Variants in DAB1 observed in about 807,000 individuals in gnomAD.
DAB1 encodes the protein disabled homolog 1.
A neutral mutation model predicts 64.6 loss-of-function variants in DAB1; 15 were observed. That is an observed-to-expected ratio of 0.23 (90% CI 0.16 to 0.36). DAB1 has a LOEUF of 0.36. Among genes scored for constraint, DAB1 ranks in the 10% least tolerant of loss-of-function variants. DAB1 has a pLI of 1.00. For missense variants in DAB1, 596 were observed against 706.7 expected (o/e 0.84, Z 1.78); for synonymous variants, 235 against 251.9 (o/e 0.93, Z 0.64).
At chr1:57,739,686 CAAA>C (rs1467471043) in intron 6 of DAB1, among the ~76,000 whole-genome samples, 8 of 151,040 alleles carry the variant, frequency 5.3e-5, no homozygotes, top group African/African-American at 1.9e-4. Flanking sequence ...CTCCTGATCT[CAAA>C]CAATCTGCCT....
At chr1:57,061,240 G>T (rs1041807299) in intron 9 of DAB1, among the ~76,000 whole-genome samples, 4 of 121,908 alleles carry the variant, frequency 3.3e-5, no homozygotes, top group Non-Finnish European at 5.3e-5. Flanking sequence ...GGGGGGGGGG[G>T]TGGTTTCAAG....
intron 5 of DAB1, among the ~76,000 whole-genome samples, chr1:57,963,075 C>T (rs542817964): frequency 1.3e-5 from 2 of 152,124 alleles, no homozygotes; most frequent in East Asian, 3.8e-4. Flanking sequence ...ATTAAGCTCA[C>T]ATATGACAGT....
intron 9 of DAB1, among the ~76,000 whole-genome samples, chr1:57,048,197 TAGTC>T (rs1255229163): frequency 2.0e-5 from 3 of 152,158 alleles, no homozygotes; most frequent in Admixed American, 6.5e-5. Flanking sequence ...CAAGCCCAAA[TAGTC>T]AGGCTGCAAA....
chr1:57,280,027 G>A (rs573669551), intron 2 of DAB1, among the ~76,000 whole-genome samples: 76 of 152,278 alleles, frequency 5.0e-4, no homozygotes, highest in African/African-American at 1.8e-3. Flanking sequence ...TCATTCAGTG[G>A]AGAGAAGTTT....
At chr1:58,514,231 T>C (rs1002562224) in intron 2 of DAB1, among the ~76,000 whole-genome samples, 2 of 152,156 alleles carry the variant, frequency 1.3e-5, no homozygotes, top group Non-Finnish European at 2.9e-5. Flanking sequence ...TTAAGGAACA[T>C]ATTGAGAAAG....
intron 8 of DAB1, among the ~76,000 whole-genome samples, chr1:57,068,406 T>C (rs1264187378): frequency 6.6e-6 from 1 of 152,092 alleles, no homozygotes; most frequent in Non-Finnish European, 1.5e-5. Flanking sequence ...ACAAAGTTGT[T>C]GGTAGAACTA....
At chr1:57,042,914 GA>G (rs1647978793) in intron 9 of DAB1, among the ~76,000 whole-genome samples, 1 of 151,804 alleles carries the variant, frequency 6.6e-6, no homozygotes, top group Non-Finnish European at 1.5e-5. Flanking sequence ...AGGAACTCCA[GA>G]AAAAAGCTGT....
intron 5 of DAB1, among the ~76,000 whole-genome samples, chr1:57,992,807 A>G (rs998572330): frequency 6.6e-6 from 1 of 151,762 alleles, no homozygotes; most frequent in African/African-American, 2.4e-5. Flanking sequence ...TACTATTATT[A>G]TCTACAGCTG....
chr1:57,061,232 G>T (rs866906511), intron 9 of DAB1, among the ~76,000 whole-genome samples: 4 of 149,088 alleles, frequency 2.7e-5, no homozygotes, highest in Admixed American at 6.7e-5. Flanking sequence ...TTTAGATGGG[G>T]GGGGGGGGTG....
At chr1:57,847,386 A>G (rs776799131) in intron 1 of DAB1, among the ~76,000 whole-genome samples, 6 of 152,212 alleles carry the variant, frequency 3.9e-5, no homozygotes, top group Non-Finnish European at 8.8e-5. Flanking sequence ...ACAAAAAGAC[A>G]GGAATAAGAC....
chr1:57,746,839 G>A (rs934613871), intron 6 of DAB1, among the ~76,000 whole-genome samples: 8 of 151,802 alleles, frequency 5.3e-5, no homozygotes, highest in Non-Finnish European at 1.0e-4. Flanking sequence ...TGATGTGGAA[G>A]TCATGGATAT....
At chr1:57,045,788 CTA>C (rs1648402503) in intron 9 of DAB1, among the ~76,000 whole-genome samples, 1 of 152,146 alleles carries the variant, frequency 6.6e-6, no homozygotes, top group Admixed American at 6.5e-5. Flanking sequence ...AAGGATAATT[CTA>C]GAGATAAGGA....
intron 4 of DAB1, among the ~76,000 whole-genome samples, chr1:58,283,915 G>A (rs2100442659): frequency 6.6e-6 from 1 of 152,350 alleles, no homozygotes; most frequent in South Asian, 2.1e-4. Flanking sequence ...AATACACAGT[G>A]CCTGGCTCAG....
chr1:57,432,157 G>A (rs183649400), intron 7 of DAB1, among the ~76,000 whole-genome samples: 112 of 151,736 alleles, frequency 7.4e-4, no homozygotes, highest in African/African-American at 2.6e-3. Flanking sequence ...TGCTTACAGA[G>A]TATCGAAAAA....
chr1:57,337,173 T>C (rs1455185998), intron 1 of DAB1, among the ~76,000 whole-genome samples: 1 of 152,214 alleles, frequency 6.6e-6, no homozygotes, highest in Admixed American at 6.5e-5. Flanking sequence ...CCCTTTCTCA[T>C]GGACTACTGT....
chr1:57,602,268 C>T (rs1454920099), intron 7 of DAB1, among the ~76,000 whole-genome samples: 1 of 152,162 alleles, frequency 6.6e-6, no homozygotes, highest in South Asian at 2.1e-4. Flanking sequence ...ATCTGGCATA[C>T]CTATGCTCAC....
chr1:57,194,975 A>G (rs144776282), intron 2 of DAB1, among the ~76,000 whole-genome samples: 232 of 152,358 alleles, frequency 1.5e-3, no homozygotes, highest in Non-Finnish European at 2.6e-3. Flanking sequence ...AACTAGTAAC[A>G]GCGGAAAGTG....
chr1:57,930,020 T>C (rs1644933047), intron 5 of DAB1, among the ~76,000 whole-genome samples: 2 of 152,216 alleles, frequency 1.3e-5, no homozygotes, highest in Admixed American at 6.5e-5. Flanking sequence ...AGCTTTATAG[T>C]TGTGAATTTT....
intron 2 of DAB1, among the ~76,000 whole-genome samples, chr1:57,212,293 CAAT>C (rs1205486845): frequency 1.4e-5 from 2 of 139,146 alleles, no homozygotes; most frequent in Admixed American, 7.4e-5. Flanking sequence ...TGGATAAAGA[CAAT>C]AATGATTATG....
Sources: allele counts gnomAD v4.1 joint callset (sites outside exome capture counted in the v4.1 genomes callset), GRCh38; gene constraint gnomAD v4.1.1; transcripts MANE v1.5; gene names NCBI Gene and HGNC (gene_info 2026-07-23, HGNC 2026-07-21).